The following ATP8A1 variants were observed in gnomAD, a reference collection of about 807,000 sequenced individuals.
The protein encoded by ATP8A1 is phospholipid-transporting ATPase IA.
ATP8A1 carries 90 observed loss-of-function variants against 177.7 expected under a neutral mutation model. That is an observed-to-expected ratio of 0.51 (90% CI 0.43 to 0.60). The LOEUF is 0.60. Among genes scored for constraint, ATP8A1 ranks in the 20% least tolerant of loss-of-function variants. The probability of loss-of-function intolerance (pLI) is 0.00; values close to 1 mark genes in which losing one functional copy is unlikely to be tolerated. For synonymous variants in ATP8A1, 493 were observed against 485.9 expected, an observed-to-expected ratio of 1.01 and a Z score of -0.19; for missense variants, 1,072 against 1,392.8, an observed-to-expected ratio of 0.77 and a Z score of 3.67.
chr4:42,460,611 A>T (rs1719022716), intron 27 of ATP8A1, among the ~76,000 whole-genome samples: 2 of 151,680 alleles, frequency 1.3e-5, no homozygotes, highest in South Asian at 4.2e-4. Flanking sequence ...TTGGTCTCGA[A>T]CTCCCGACCT....
At chr4:42,554,762 A>G (rs1324651187) in intron 16 of ATP8A1, among the ~76,000 whole-genome samples, 3 of 152,166 alleles carry the variant, frequency 2.0e-5, no homozygotes, top group East Asian at 1.9e-4. Flanking sequence ...TGAAGGACGC[A>G]AAGTGTTGAT....
chr4:42,524,949 C>A (rs955484484), intron 20 of ATP8A1, 102 bp from the exon 21 acceptor site: 2 of 631,782 alleles, frequency 3.2e-6, no homozygotes, highest in Admixed American at 5.8e-5. Flanking sequence ...TAACAACCAC[C>A]AATCTCTTTT....
chr4:42,443,938 T>A (rs1716924950), intron 32 of ATP8A1, among the ~76,000 whole-genome samples: 1 of 152,190 alleles, frequency 6.6e-6, no homozygotes, highest in Admixed American at 6.5e-5. Flanking sequence ...TACGCTTACC[T>A]TTTTTACCCC....
At chr4:42,448,396 C>CTTTACTTTTTTTATTTTTTTTTTTT (rs778022629) in intron 30 of ATP8A1, among the ~76,000 whole-genome samples, 1 of 84,132 alleles carries the variant, frequency 1.2e-5, no homozygotes, top group Non-Finnish European at 2.3e-5. Context: ...CCTTCTCTTT[C>CTTTACTTTTTTTATTTTTTTTTTTT]TTTTCTTTTT....
At chr4:42,656,093 C>T (rs1418320847) in intron 1 of ATP8A1, among the ~76,000 whole-genome samples, 1 of 152,178 alleles carries the variant, frequency 6.6e-6, no homozygotes, top group Non-Finnish European at 1.5e-5. Flanking sequence ...AGTCTGGGCC[C>T]TCGGAAAGCT....
intron 1 of ATP8A1, among the ~76,000 whole-genome samples, chr4:42,630,445 A>T (rs542194964): frequency 2.0e-5 from 3 of 152,332 alleles, no homozygotes; most frequent in Non-Finnish European, 2.9e-5. Context: ...CCTCACAGAA[A>T]GCAAGGGGAA....
At position 42,507,107 on chromosome 4, in the gene ATP8A1, A is replaced by T. The variant is rs1199162106; in HGVS notation, c.1995T>A (p.Asp665Glu). The T allele has an allele frequency of 6.2e-7, 1 of 1,614,042 alleles. No homozygotes were observed. The change falls in exon 23 of 37, where the codon GAT becomes GAA. Residue 665 changes from aspartate to glutamate, a missense_variant. Transcript: ENST00000381668. The part of the protein sequence containing the change: ...GATAIEDKLQ[D>E]QVPETIETLM... ...GCGTTTCTATGGTTTCAGGCACTTG[A>T]TCTTGTAATTTATCCTCAATGGCTG...
At chr4:42,471,770 G>T in intron 25 of ATP8A1, 1 of 417,904 alleles carries the variant, frequency 2.4e-6, no homozygotes, top group Non-Finnish European at 4.5e-6. Flanking sequence ...AAAAATGGTA[G>T]CAAGCTCTTC....
At chr4:42,419,309 T>C (rs776323565) in intron 35 of ATP8A1, among the ~76,000 whole-genome samples, 6 of 152,190 alleles carry the variant, frequency 3.9e-5, no homozygotes, top group Non-Finnish European at 7.3e-5. Flanking sequence ...AGGTGTTGCA[T>C]TGCAGCTATG....
chr4:42,589,841 T>C (rs1369846111), intron 7 of ATP8A1, among the ~76,000 whole-genome samples: 1 of 116,984 alleles, frequency 8.5e-6, no homozygotes, highest in African/African-American at 3.2e-5. Context: ...TAGAATAATA[T>C]TCTAATTCTA....
At chr4:42,502,995 T>C (rs1049037856) in intron 24 of ATP8A1, among the ~76,000 whole-genome samples, 1 of 152,250 alleles carries the variant, frequency 6.6e-6, no homozygotes, top group Non-Finnish European at 1.5e-5. Flanking sequence ...TTACATTTCA[T>C]TCCAGATGTT....
At chr4:42,608,621 G>A (rs574261739) in intron 5 of ATP8A1, among the ~76,000 whole-genome samples, 38 of 152,292 alleles carry the variant, frequency 2.5e-4, no homozygotes, top group African/African-American at 8.9e-4. Flanking sequence ...GCCTCCCAAA[G>A]TGCTGGGATT....
chr4:42,562,026 C>T lies in ATP8A1; in HGVS notation c.1341-5986G>A, dbSNP rs74819111. On this transcript the variant is annotated intron_variant, in intron 15 of 36. Coordinates refer to ENST00000381668, the MANE Select transcript of ATP8A1 (RefSeq NM_006095.2). The stretch of plus-strand genomic sequence containing the variant: ...TCTTTCTGCTTTTTATAATCTGGTT[C>T]TTTAAGTTAACGTAATTTTGATCCA... 4.6e-5 allele frequency: 7 copies of T among 152,254 alleles called. No homozygotes were observed. In the East Asian group the frequency reaches 1.3e-3, roughly 29 times the overall value. 9.4% of individuals were successfully genotyped at this position (152,254 alleles called of 1,614,324 possible).
At chr4:42,606,811 A>G (rs1300545035) in intron 5 of ATP8A1, among the ~76,000 whole-genome samples, 2 of 152,192 alleles carry the variant, frequency 1.3e-5, no homozygotes, top group Admixed American at 1.3e-4. Context: ...GCCCCAGAGA[A>G]CATTGCTGAC....
At chr4:42,425,955 G>GT (rs1265609039) in intron 33 of ATP8A1, among the ~76,000 whole-genome samples, 2 of 152,244 alleles carry the variant, frequency 1.3e-5, no homozygotes, top group East Asian at 3.8e-4. Flanking sequence ...GGCACAGGCC[G>GT]TGTGTGGCGA....
intron 1 of ATP8A1, among the ~76,000 whole-genome samples, chr4:42,644,318 T>C (rs1740308430): frequency 6.6e-6 from 1 of 152,184 alleles, no homozygotes; most frequent in Non-Finnish European, 1.5e-5. Flanking sequence ...CTAATTGTAT[T>C]CACTTGGAAG....
At chr4:42,414,835 A>G in intron 35 of ATP8A1, 117 bp from the exon 36 acceptor site, 1 of 747,664 alleles carries the variant, frequency 1.3e-6, no homozygotes, top group Non-Finnish European at 2.3e-6. Context: ...AGAAATCCGT[A>G]GCCTAGTGAT....
intron 1 of ATP8A1, among the ~76,000 whole-genome samples, chr4:42,634,043 T>C (rs563177689): frequency 1.6e-4 from 25 of 152,328 alleles, no homozygotes; most frequent in African/African-American, 6.0e-4. Context: ...CCTGAATTTA[T>C]ATTCTTTATG....
intron 9 of ATP8A1, among the ~76,000 whole-genome samples, chr4:42,584,250 G>A (rs1256198712): frequency 6.6e-6 from 1 of 152,132 alleles, no homozygotes; most frequent in Non-Finnish European, 1.5e-5. Context: ...AGTAGGGGAA[G>A]CAGGGAAAGA....
Sources: gnomAD v4.1 joint callset for allele counts (sites outside exome capture counted in the v4.1 genomes callset) on GRCh38, gnomAD v4.1.1 for gene constraint, MANE v1.5 for transcripts, NCBI Gene and HGNC (gene_info 2026-07-23, HGNC 2026-07-21) for gene names.